The following TBC1D5 variants were observed in gnomAD, a reference collection of about 807,000 sequenced individuals.
TBC1D5 encodes the protein TBC1 domain family member 5, also known as TBC1 domain family, member 5.
A neutral mutation model predicts 100.3 loss-of-function variants in TBC1D5; 75 were observed. The observed-to-expected ratio is 0.75, with a 90% CI of 0.62 to 0.91. TBC1D5 has a LOEUF of 0.91. Among genes scored for constraint, TBC1D5 ranks in the 40% least tolerant of loss-of-function variants. The probability of loss-of-function intolerance (pLI) is 0.00; values close to 1 mark genes in which losing one functional copy is unlikely to be tolerated. For missense variants in TBC1D5, 910 were observed against 942.4 expected, an observed-to-expected ratio of 0.97 and a Z score of 0.45; for synonymous variants, 323 against 325.6, an observed-to-expected ratio of 0.99 and a Z score of 0.09.
chr3:17,180,889 G>A (rs1219114716), intron 19 of TBC1D5, among the ~76,000 whole-genome samples: 2 of 144,398 alleles, frequency 1.4e-5, no homozygotes, highest in African/African-American at 2.6e-5. Flanking sequence ...TGTATCAAAA[G>A]CGCATTTGTA....
intron 2 of TBC1D5, among the ~76,000 whole-genome samples, chr3:17,543,677 T>C (rs1168973388): frequency 2.0e-5 from 3 of 151,758 alleles, no homozygotes; most frequent in African/African-American, 7.3e-5. Flanking sequence ...AAAGAAAAAA[T>C]ATATAAGTCT....
chr3:17,281,902 G>C (rs2080644371), intron 15 of TBC1D5, among the ~76,000 whole-genome samples: 1 of 151,926 alleles, frequency 6.6e-6, no homozygotes, highest in African/African-American at 2.4e-5. Context: ...TTTTTGTTCT[G>C]TCAGTTTTAA....
chr3:17,624,859 A>G (rs2062930524), intron 1 of TBC1D5, among the ~76,000 whole-genome samples: 1 of 152,134 alleles, frequency 6.6e-6, no homozygotes, highest in African/African-American at 2.4e-5. Context: ...CTAATGAAGT[A>G]AAACAACACG....
At chr3:17,676,014 T>A (rs1484123195) in intron 1 of TBC1D5, among the ~76,000 whole-genome samples, 1 of 152,106 alleles carries the variant, frequency 6.6e-6, no homozygotes, top group Non-Finnish European at 1.5e-5. Context: ...ATTAAATGCA[T>A]CAAGAAAGAT....
chr3:17,356,363 C>T (rs2091213360), intron 13 of TBC1D5, among the ~76,000 whole-genome samples: 1 of 152,078 alleles, frequency 6.6e-6, no homozygotes, highest in South Asian at 2.1e-4. Flanking sequence ...AACATGCCCC[C>T]CAAGTTCTTT....
intron 2 of TBC1D5, among the ~76,000 whole-genome samples, chr3:17,590,562 T>C (rs2096760326): frequency 6.6e-6 from 1 of 152,200 alleles, no homozygotes; most frequent in South Asian, 2.1e-4. Context: ...GACCAATGCC[T>C]TGCAAACAGA....
chr3:17,733,500 T>G (rs1044376766), intron 1 of TBC1D5, among the ~76,000 whole-genome samples: 7 of 151,126 alleles, frequency 4.6e-5, no homozygotes, highest in Non-Finnish European at 1.0e-4. Context: ...TTGGGGGGGG[T>G]GGAGCTAGAC....
intron 1 of TBC1D5, among the ~76,000 whole-genome samples, chr3:17,672,075 T>C (rs896646211): frequency 2.0e-5 from 3 of 152,222 alleles, no homozygotes; most frequent in South Asian, 4.1e-4. Flanking sequence ...AAGAATTTCA[T>C]AAATTGACAG....
intron 13 of TBC1D5, among the ~76,000 whole-genome samples, chr3:17,324,220 T>C (rs896219830): frequency 3.9e-5 from 6 of 152,106 alleles, no homozygotes; most frequent in Non-Finnish European, 5.9e-5. Context: ...GCCTTGAAAA[T>C]AGGTAGAAGA....
chr3:17,620,378 T>G (rs952110439), intron 2 of TBC1D5, among the ~76,000 whole-genome samples: 1 of 152,216 alleles, frequency 6.6e-6, no homozygotes, highest in Non-Finnish European at 1.5e-5. Context: ...AGCATATTTG[T>G]AATTGTAAAA....
intron 1 of TBC1D5, among the ~76,000 whole-genome samples, chr3:17,709,443 A>C (rs1187467054): frequency 4.6e-5 from 7 of 152,172 alleles, no homozygotes; most frequent in Non-Finnish European, 1.0e-4. Context: ...TTAGATACAC[A>C]ATTTCTAGTT....
chr3:17,422,133 A>G (rs2094221199), intron 4 of TBC1D5, among the ~76,000 whole-genome samples: 2 of 152,040 alleles, frequency 1.3e-5, no homozygotes, highest in Admixed American at 1.3e-4. Flanking sequence ...AAATTGATTG[A>G]GCCAATATTC....
At chr3:17,581,914 T>C (rs2096700217) in intron 2 of TBC1D5, among the ~76,000 whole-genome samples, 1 of 152,206 alleles carries the variant, frequency 6.6e-6, no homozygotes, top group Non-Finnish European at 1.5e-5. Flanking sequence ...ATCATAAATA[T>C]TCCTGCCTCA....
chr3:17,363,337 C>A (rs2091871399), intron 13 of TBC1D5, among the ~76,000 whole-genome samples: 1 of 152,068 alleles, frequency 6.6e-6, no homozygotes, highest in Non-Finnish European at 1.5e-5. Flanking sequence ...AGATTTCTGA[C>A]TTACCCTCCC....
At chr3:17,471,676 A>G (rs901468692) in intron 3 of TBC1D5, among the ~76,000 whole-genome samples, 219 of 126,122 alleles carry the variant, frequency 1.7e-3, no homozygotes, top group African/African-American at 9.2e-3. Context: ...GTCTCAAAAA[A>G]AAAAAAAAAA....
chr3:17,474,299 TAACTG>T (rs1473833297), intron 3 of TBC1D5, among the ~76,000 whole-genome samples: 1 of 152,192 alleles, frequency 6.6e-6, no homozygotes, highest in Non-Finnish European at 1.5e-5. Context: ...GTTATAAACT[TAACTG>T]AGATAAACGA....
At chr3:17,474,930 G>A (rs112045938) in intron 3 of TBC1D5, among the ~76,000 whole-genome samples, 2,570 of 151,724 alleles carry the variant, frequency 0.017, 27 homozygotes, top group Admixed American at 0.028. Context: ...TAACAATGTG[G>A]AAGAAAAAAA....
chr3:17,185,085 C>T (rs760873507), intron 19 of TBC1D5, 24 bp downstream of exon 20: 1 of 1,606,184 alleles, frequency 6.2e-7, no homozygotes, highest in African/African-American at 1.3e-5. Context: ...CTCATCGTTC[C>T]CAGGGCCAAA....
chr3:17,565,208 T>C (rs1373246889), intron 2 of TBC1D5, among the ~76,000 whole-genome samples: 1 of 152,148 alleles, frequency 6.6e-6, no homozygotes, highest in African/African-American at 2.4e-5. Flanking sequence ...CCTACAATCA[T>C]CTTTTCCCAA....
Sources: gnomAD v4.1 joint callset for allele counts (sites outside exome capture counted in the v4.1 genomes callset) on GRCh38, gnomAD v4.1.1 for gene constraint, MANE v1.5 for transcripts, NCBI Gene and HGNC (gene_info 2026-07-23, HGNC 2026-07-21) for gene names.